EPHB1: variants seen among roughly 807,000 people sequenced by gnomAD.
The protein encoded by EPHB1 is ephrin type-B receptor 1.
In EPHB1, 30 loss-of-function variants were observed where a neutral mutation model predicts 94.4. That is an observed-to-expected ratio of 0.32 (90% CI 0.24 to 0.43). The LOEUF is 0.43. EPHB1 is among the 20% of genes least tolerant of loss of function. The pLI, the probability that EPHB1 is intolerant of heterozygous loss-of-function variation, is 1.00. For missense variants in EPHB1, 1,055 were observed against 1,308.3 expected, an observed-to-expected ratio of 0.81 and a Z score of 2.99; for synonymous variants, 522 against 489.1, an observed-to-expected ratio of 1.07 and a Z score of -0.89.
At position 134,857,594 on chromosome 3, in the gene EPHB1, TG is replaced by T. The variant is rs561989932; in HGVS notation, c.58+61910del. Among the ~76,000 whole-genome samples the T allele has an allele frequency of 2.2e-3, 330 of 152,140 alleles. 2 individuals are homozygous for T. The highest frequency in any genetic ancestry group is 7.4e-3 in the African/African-American group (307 of 41,500). On this transcript the variant is annotated intron_variant, in intron 1 of 15. Coordinates refer to ENST00000398015, the MANE Select transcript of EPHB1 (RefSeq NM_004441.5). Reference sequence around the variant, plus strand: ...GGGCCTGGTGGGTACTGTGGTTGATTGGGGGTGAAGGTGGTTACTCACGGGA... The same window carrying T: ...GGGCCTGGTGGGTACTGTGGTTGATTGGGGTGAAGGTGGTTACTCACGGGA...
intron 1 of EPHB1, among the ~76,000 whole-genome samples, chr3:134,889,975 G>A (rs1206162762): frequency 6.6e-6 from 1 of 152,122 alleles, no homozygotes; most frequent in Admixed American, 6.5e-5. Context: ...ATTTAAAAAT[G>A]TTTCAGACCT....
intron 3 of EPHB1, among the ~76,000 whole-genome samples, chr3:135,087,991 G>T (rs1050742394): frequency 1.3e-5 from 2 of 152,194 alleles, no homozygotes; most frequent in African/African-American, 2.4e-5. Flanking sequence ...ATTCAGGCAG[G>T]CAGGAACTCA....
chr3:134,799,708 C>T (rs899074455), intron 1 of EPHB1, among the ~76,000 whole-genome samples: 6 of 152,196 alleles, frequency 3.9e-5, no homozygotes, highest in African/African-American at 1.4e-4. Flanking sequence ...GCCCCTTCTG[C>T]CTTCTATTGA....
At chr3:135,246,355 G>A (rs894882727) in intron 13 of EPHB1, among the ~76,000 whole-genome samples, 1 of 152,090 alleles carries the variant, frequency 6.6e-6, no homozygotes, top group African/African-American at 2.4e-5. Flanking sequence ...AAAAGGGTGC[G>A]GGGTTTGTGA....
chr3:135,107,341 C>T (rs1164146077), intron 4 of EPHB1, among the ~76,000 whole-genome samples: 11 of 152,212 alleles, frequency 7.2e-5, no homozygotes, highest in Admixed American at 7.2e-4. Context: ...AGAAGGGGTG[C>T]ATTTCTCCCA....
At chr3:134,941,768 C>CACACAG (rs1560307433) in intron 2 of EPHB1, among the ~76,000 whole-genome samples, 3 of 150,994 alleles carry the variant, frequency 2.0e-5, no homozygotes, top group Non-Finnish European at 3.0e-5. Flanking sequence ...CACACACACA[C>CACACAG]ACACACACAC....
At chr3:135,166,157 G>C in intron 8 of EPHB1, 81 bp downstream of exon 8, 1 of 1,001,998 alleles carries the variant, frequency 1.0e-6, no homozygotes, top group Non-Finnish European at 1.6e-6. Flanking sequence ...GCGTGGATCA[G>C]ATAGGGTGTG....
chr3:134,979,850 T>C (rs1238929838), intron 3 of EPHB1, among the ~76,000 whole-genome samples: 3 of 152,142 alleles, frequency 2.0e-5, no homozygotes, highest in African/African-American at 7.2e-5. Context: ...CCCAAGACCA[T>C]CTAGTCAGTA....
chr3:135,092,869 T>C (rs930028616), intron 3 of EPHB1, among the ~76,000 whole-genome samples: 19 of 152,190 alleles, frequency 1.2e-4, no homozygotes, highest in African/African-American at 4.6e-4. Flanking sequence ...TCAAGTGATC[T>C]TCCCGCCTTA....
At chr3:135,116,442 T>C (rs1286968277) in intron 4 of EPHB1, among the ~76,000 whole-genome samples, 1 of 152,108 alleles carries the variant, frequency 6.6e-6, no homozygotes, top group Non-Finnish European at 1.5e-5. Context: ...TTGTCTTCCC[T>C]CTTCCATCCA....
chr3:134,828,655 G>C (rs1367219162), intron 1 of EPHB1, among the ~76,000 whole-genome samples: 1 of 152,164 alleles, frequency 6.6e-6, no homozygotes, highest in East Asian at 1.9e-4. Context: ...AGTTGGCCGG[G>C]AGTGACTGGC....
chr3:134,922,666 A>G (rs1456423683), intron 1 of EPHB1, among the ~76,000 whole-genome samples: 1 of 152,046 alleles, frequency 6.6e-6, no homozygotes, highest in Non-Finnish European at 1.5e-5. Flanking sequence ...CTCCTCCAAC[A>G]TGATCTTGCT....
At chr3:134,904,269 G>C (rs1264787277) in intron 1 of EPHB1, among the ~76,000 whole-genome samples, 1 of 152,200 alleles carries the variant, frequency 6.6e-6, no homozygotes, top group African/African-American at 2.4e-5. Context: ...CTTTTTCTTG[G>C]TTTAACTCCC....
At chr3:134,927,724 G>C (rs972844728) in intron 2 of EPHB1, among the ~76,000 whole-genome samples, 2 of 152,164 alleles carry the variant, frequency 1.3e-5, no homozygotes, top group Admixed American at 6.5e-5. Context: ...CAAAGTCAAG[G>C]CATGCCCTTT....
chr3:134,891,207 T>C lies in EPHB1; in HGVS notation c.59-34609T>C, dbSNP rs548139114. ...TGCAACTTGCACCTGCCTCCTAGGC[T>C]CAAGCAATCCTCCTACCTCAGTCTC... On this transcript the variant is annotated intron_variant, in intron 1 of 15. Transcript: ENST00000398015. 9.2e-5 allele frequency among the ~76,000 whole-genome samples: 14 copies of C among 152,296 alleles called. 1 individual carries two copies. The highest frequency in any genetic ancestry group is 3.1e-4 in the African/African-American group (13 of 41,576).
intron 3 of EPHB1, among the ~76,000 whole-genome samples, chr3:134,961,243 GTGC>G (rs1933507615): frequency 6.6e-6 from 1 of 152,128 alleles, no homozygotes; most frequent in African/African-American, 2.4e-5. Flanking sequence ...GCTGCAAGTG[GTGC>G]TGTTGCTCTG....
chr3:134,956,081 A>G (rs1933258255), intron 3 of EPHB1, among the ~76,000 whole-genome samples: 1 of 152,046 alleles, frequency 6.6e-6, no homozygotes, highest in African/African-American at 2.4e-5. Context: ...GTTGGACTGC[A>G]GGGAGGAAGG....
intron 3 of EPHB1, among the ~76,000 whole-genome samples, chr3:135,075,956 C>A (rs1264049084): frequency 6.6e-6 from 1 of 152,108 alleles, no homozygotes; most frequent in Non-Finnish European, 1.5e-5. Context: ...GGTTGGAAAC[C>A]ATCCCAAGAG....
At chr3:134,873,967 C>T (rs1037532191) in intron 1 of EPHB1, among the ~76,000 whole-genome samples, 1 of 152,020 alleles carries the variant, frequency 6.6e-6, no homozygotes, top group African/African-American at 2.4e-5. Context: ...GGGAATTCTC[C>T]TCTCCACAAA....
Sources: allele counts gnomAD v4.1 joint callset (sites outside exome capture counted in the v4.1 genomes callset), GRCh38; gene constraint gnomAD v4.1.1; transcripts MANE v1.5; gene names NCBI Gene and HGNC (gene_info 2026-07-23, HGNC 2026-07-21).